MICU3: variants seen among roughly 807,000 people sequenced by gnomAD.
MICU3 encodes the protein calcium uptake protein 3, mitochondrial.
MICU3 carries 62 observed loss-of-function variants against 66.5 expected under a neutral mutation model. The ratio of observed to expected loss-of-function variants is 0.93; its 90% CI spans 0.76 to 1.15. The LOEUF is 1.15. MICU3 is among the 50% of genes most tolerant of loss of function. The probability of loss-of-function intolerance (pLI) is 0.00; values close to 1 mark genes in which losing one functional copy is unlikely to be tolerated. For missense variants in MICU3, 779 were observed against 664.4 expected, an observed-to-expected ratio of 1.17 and a Z score of -1.90; for synonymous variants, 308 against 240.7, an observed-to-expected ratio of 1.28 and a Z score of -2.59.
Position 17,079,045 on chromosome 8 carries a change from A to G in MICU3, c.646+1184A>G, listed in dbSNP as rs1256387816. On this transcript the variant is annotated intron_variant, in intron 4 of 14. Coordinates refer to ENST00000318063, the MANE Select transcript of MICU3 (RefSeq NM_181723.3). ...ATTGGATCAAATATAATCTGAGAAA[A>G]ATAATGCATAGAAGAAAGAACCTTT... is the stretch of plus-strand genomic sequence containing the variant. 2.0e-5 allele frequency among the ~76,000 whole-genome samples: 3 copies of G among 152,284 alleles called. No individual in the cohort carries two copies. In the East Asian group the frequency reaches 5.8e-4, roughly 29 times the overall value.
intron 14 of MICU3, among the ~76,000 whole-genome samples, 158 bp downstream of exon 14, chr8:17,118,933 G>C (rs182138239): frequency 6.6e-6 from 1 of 151,874 alleles, no homozygotes; most frequent in African/African-American, 2.4e-5. Context: ...AAAATTTTAC[G>C]TTAAACCTGA....
At chr8:17,123,216 G>A (rs1359774132), downstream of MICU3, among the ~76,000 whole-genome samples, 5 of 152,150 alleles carry the variant, frequency 3.3e-5, no homozygotes, top group Non-Finnish European at 7.4e-5. Flanking sequence ...CTTAGATTCT[G>A]TGAAATACTT....
intron 1 of MICU3, among the ~76,000 whole-genome samples, chr8:17,036,944 G>A (rs193176183): frequency 2.1e-4 from 32 of 152,360 alleles, no homozygotes; most frequent in Non-Finnish European, 4.4e-4. Context: ...GCGGGCTGCA[G>A]GTCCCGAGTC....
At chr8:17,120,222 A>C (rs910781568) in intron 14 of MICU3, 66 bp from the exon 15 acceptor site, 1 of 152,174 alleles carries the variant, frequency 6.6e-6, no homozygotes, top group African/African-American at 2.4e-5. Context: ...AGAATATTTA[A>C]CACTATCACC....
At chr8:17,034,878 T>C (rs905062652) in intron 1 of MICU3, among the ~76,000 whole-genome samples, 8 of 152,352 alleles carry the variant, frequency 5.3e-5, no homozygotes, top group Non-Finnish European at 1.0e-4. Flanking sequence ...TTTGGAATAT[T>C]CCATGAGCTT....
chr8:17,099,565 A>G (rs925067084), intron 9 of MICU3, among the ~76,000 whole-genome samples: 2 of 151,814 alleles, frequency 1.3e-5, no homozygotes, highest in African/African-American at 4.8e-5. Flanking sequence ...TCCTATGTTT[A>G]ATATGTCTGT....
chr8:17,032,953 C>T (rs1812343537), intron 1 of MICU3, among the ~76,000 whole-genome samples: 1 of 152,158 alleles, frequency 6.6e-6, no homozygotes, highest in Non-Finnish European at 1.5e-5. Flanking sequence ...TTGTACCATG[C>T]ACCATGAACC....
chr8:17,036,914 G>A (rs1483711583), intron 1 of MICU3, among the ~76,000 whole-genome samples: 1 of 152,242 alleles, frequency 6.6e-6, no homozygotes, highest in Non-Finnish European at 1.5e-5. Flanking sequence ...CCCACGGAGT[G>A]GGTGGGAGGC....
intron 14 of MICU3, among the ~76,000 whole-genome samples, chr8:17,119,592 TG>T (rs1803034667): frequency 6.8e-6 from 1 of 146,546 alleles, no homozygotes; most frequent in African/African-American, 2.8e-5. Context: ...TTTCCCAAAG[TG>T]GTTCCTCAGC....
At chr8:17,057,049 T>C (rs1354127124) in intron 1 of MICU3, among the ~76,000 whole-genome samples, 3 of 152,178 alleles carry the variant, frequency 2.0e-5, no homozygotes, top group African/African-American at 7.2e-5. Flanking sequence ...AAGAGTTTGG[T>C]TAGTATTAGC....
At chr8:17,092,004 A>C (rs868481791) in intron 8 of MICU3, among the ~76,000 whole-genome samples, 2 of 151,974 alleles carry the variant, frequency 1.3e-5, no homozygotes, top group South Asian at 2.1e-4. Context: ...CAGCCTCCCA[A>C]GTAGCTGAGA....
chr8:17,138,022 A>G, the MICU3 span, among the ~76,000 whole-genome samples: 1 of 151,972 alleles, frequency 6.6e-6, no homozygotes, highest in Non-Finnish European at 1.5e-5. Context: ...GCCAAGAGTA[A>G]TATTTTCTAT....
At chr8:17,042,410 C>T (rs1814297859) in intron 1 of MICU3, among the ~76,000 whole-genome samples, 1 of 152,192 alleles carries the variant, frequency 6.6e-6, no homozygotes, top group African/African-American at 2.4e-5. Flanking sequence ...CAAGCAAGCT[C>T]GATTTATGGC....
intron 8 of MICU3, among the ~76,000 whole-genome samples, chr8:17,097,170 A>T (rs778526693): frequency 5.3e-5 from 8 of 151,778 alleles, no homozygotes; most frequent in Non-Finnish European, 1.2e-4. Context: ...AAACGCATCC[A>T]CATTCAAAAT....
At chr8:17,117,643 C>T (rs1185293584) in intron 13 of MICU3, among the ~76,000 whole-genome samples, 1 of 136,618 alleles carries the variant, frequency 7.3e-6, no homozygotes, top group African/African-American at 2.7e-5. Context: ...GAGTCTTGCT[C>T]TGTTGCCCAG....
At chr8:17,090,162 T>G (rs1799896039) in intron 7 of MICU3, among the ~76,000 whole-genome samples, 1 of 152,066 alleles carries the variant, frequency 6.6e-6, no homozygotes, top group Admixed American at 6.6e-5. Context: ...AGCACAGGTC[T>G]CTCATACCAT....
intron 12 of MICU3, among the ~76,000 whole-genome samples, chr8:17,115,083 C>A (rs1271190029): frequency 6.8e-6 from 1 of 146,678 alleles, no homozygotes; most frequent in Non-Finnish European, 1.5e-5. Flanking sequence ...CCCGCCACTG[C>A]ACTCCAGCCT....
Position 17,098,545 on chromosome 8 carries a change from C to A in MICU3, c.976C>A (p.Leu326Ile). The change falls in exon 9 of 15, where the codon CTC becomes ATC. Residue 326 changes from leucine to isoleucine, a missense_variant. Physicochemically the swap from Leu to Ile is conservative, Grantham distance 5. Coordinates refer to ENST00000318063, the MANE Select transcript of MICU3 (RefSeq NM_181723.3). ...RNTSQALFSD[L>I]AERADDITSL... ...CACAAGCCAAGCACTGTTTTCAGAC[C>A]TCGCAGAGGTATAATTAAACCTCAA... 1 of 1,605,298 alleles carries A rather than the reference C, an allele frequency of 6.2e-7. No individual in the cohort carries two copies. Among genetic ancestry groups the A allele is most frequent in the Middle Eastern group, 1.7e-4 (1 of 6,042 alleles).
intron 1 of MICU3, among the ~76,000 whole-genome samples, chr8:17,045,337 C>T (rs960970525): frequency 1.3e-5 from 2 of 152,132 alleles, no homozygotes; most frequent in Non-Finnish European, 1.5e-5. Flanking sequence ...GACTTTCATT[C>T]CAGGGAGCAT....
Sources: allele counts gnomAD v4.1 joint callset (sites outside exome capture counted in the v4.1 genomes callset), GRCh38; gene constraint gnomAD v4.1.1; transcripts MANE v1.5; gene names NCBI Gene and HGNC (gene_info 2026-07-23, HGNC 2026-07-21).